ARRDC5: variants seen among roughly 807,000 people sequenced by gnomAD.
ARRDC5 encodes the protein arrestin domain containing 5, also known as arrestin domain-containing protein 5.
In ARRDC5, 12 loss-of-function variants were observed where a neutral mutation model predicts 13.3. The observed-to-expected ratio is 0.90, with a 90% confidence interval of 0.58 to 1.46. The LOEUF (loss-of-function observed/expected upper bound fraction) is 1.46, where lower values mean the gene tolerates loss of function less well. ARRDC5 is among the 40% of genes most tolerant of loss of function. The pLI is 0.00. For synonymous variants in ARRDC5, 181 were observed against 173.4 expected, an observed-to-expected ratio of 1.04 and a Z score of -0.34; for missense variants, 406 against 418.7, an observed-to-expected ratio of 0.97 and a Z score of 0.26.
upstream of ARRDC5, among the ~76,000 whole-genome samples, chr19:4,903,974 T>G (rs79728770): frequency 1.3e-5 from 2 of 151,942 alleles, no homozygotes; most frequent in Non-Finnish European, 2.9e-5. Context: ...CCCTGCATGA[T>G]TGACATTTCT....
chr19:4,891,949 C>T (rs181494549), intron 2 of ARRDC5, among the ~76,000 whole-genome samples: 39 of 73,356 alleles, frequency 5.3e-4, no homozygotes, highest in South Asian at 3.2e-3. Flanking sequence ...AGCAAAACTC[C>T]GTCTCAAAAA....
the ARRDC5 span, among the ~76,000 whole-genome samples, chr19:4,914,494 C>T: frequency 2.6e-5 from 4 of 151,904 alleles, no homozygotes; most frequent in East Asian, 3.9e-4. Context: ...GGGTCTGTCT[C>T]GGAATATGGA....
rs781185003 is a variant in ARRDC5 at position 4,902,851 on chromosome 19, T to C, written c.-26A>G. 7.0e-5 allele frequency: 113 copies of C among 1,613,450 alleles called. No homozygotes were observed. The highest frequency in any genetic ancestry group is 9.2e-5 in the Non-Finnish European group (109 of 1,179,758). ...GGGGGGTTGGGGGGTAGAGAGACAT[T>C]CCTCTCTGTCCCCCATGTCCCTGAA... On this transcript the variant is annotated 5_prime_UTR_variant, in exon 1 of 3. Transcript: ENST00000650722.
chr19:4,916,162 C>T, the ARRDC5 span, among the ~76,000 whole-genome samples: 18 of 152,046 alleles, frequency 1.2e-4, no homozygotes, highest in African/African-American at 2.2e-4. Context: ...GAAAATTAGC[C>T]GGGCATGGTG....
the ARRDC5 span, chr19:4,909,588 C>A: frequency 1.5e-6 from 1 of 650,294 alleles, no homozygotes; most frequent in East Asian, 3.3e-5. Flanking sequence ...GCCACGCACG[C>A]GGTTTCATCG....
intron 1 of ARRDC5, among the ~76,000 whole-genome samples, chr19:4,901,861 G>C (rs529410056): frequency 7.9e-5 from 12 of 152,036 alleles, no homozygotes; most frequent in South Asian, 2.1e-4. Flanking sequence ...TCCTTCTCTG[G>C]AAGGTCTCCC....
rs759955306 is a variant in ARRDC5 at position 4,902,831 on chromosome 19, G to C, written c.-6C>G. ...ATCGACTTCACCACAGACATGGGGG[G>C]TTGGGGGGTAGAGAGACATTCCTCT... On this transcript the variant is annotated 5_prime_UTR_variant, in exon 1 of 3. Coordinates refer to ENST00000650722, the MANE Select transcript of ARRDC5 (RefSeq NM_001080523.3). 1.2e-6 allele frequency: 2 copies of C among 1,613,722 alleles called. No individual in the cohort carries two copies. The highest frequency in any genetic ancestry group is 8.5e-7 in the Non-Finnish European group (1 of 1,179,876).
upstream of ARRDC5, chr19:4,903,114 C>T (rs985295579): frequency 7.7e-6 from 3 of 387,118 alleles, no homozygotes; most frequent in South Asian, 2.6e-5. Flanking sequence ...GCAACCTCCG[C>T]CTCATGGGTT....
chr19:4,896,930 C>CT, intron 1 of ARRDC5, 54 bp from the exon 2 acceptor site: 1 of 1,243,790 alleles, frequency 8.0e-7, no homozygotes, highest in Non-Finnish European at 1.1e-6. Flanking sequence ...TTTTTTCCTT[C>CT]TTCTTCTTTT....
In ARRDC5 at chr19:4,896,359, TTTACACACACACAC is replaced by T. The variant is rs1405987746; in HGVS notation, c.459+298_459+311del. ...ATATATATATATATATTTTTTTTTT[TTTACACACACACAC>T]ACACACACACACACACACACACACA... is the stretch of plus-strand genomic sequence containing the variant. On this transcript the variant is annotated intron_variant, in intron 2 of 2. Transcript: ENST00000650722. Among the ~76,000 whole-genome samples, 92 of 82,960 alleles carry T rather than the reference TTTACACACACACAC, an allele frequency of 1.1e-3. 1 individual carries two copies. Among genetic ancestry groups the T allele is most frequent in the African/African-American group, 3.9e-3 (71 of 18,230 alleles). 54.4% of individuals were successfully genotyped at this position (82,960 alleles called of 152,430 possible). A position where few individuals can be genotyped will look rare whatever the true frequency, so the allele number is the denominator to read the frequency against.
In ARRDC5 at chr19:4,891,167, C is replaced by T; in HGVS notation, c.866G>A (p.Trp289Ter). ...YELVTTVHLP[W>*]SLTSLKAKVP... The stretch of plus-strand genomic sequence containing the variant: ...TTTGGCCTTGAGGCTGGTCAGGGAC[C>T]AGGGCAGGTGCACGGTGGTGACCAG... Residue 289 changes from tryptophan to a stop codon, truncating the protein, a stop_gained, in exon 3 of 3, where the codon TGG (tryptophan) becomes TAG (stop). Transcript: ENST00000650722. LOFTEE classifies it low-confidence loss of function (END_TRUNC). 1.2e-6 allele frequency: 2 copies of T among 1,613,946 alleles called. No individual in the cohort carries two copies. The highest frequency in any genetic ancestry group is 1.7e-6 in the Non-Finnish European group (2 of 1,179,888).
intron 2 of ARRDC5, among the ~76,000 whole-genome samples, chr19:4,893,154 A>G (rs10410783): frequency 0.078 from 10,962 of 140,832 alleles, 525 homozygotes; most frequent in Admixed American, 0.17. Context: ...TTATTAGAAT[A>G]TATATAATAT....
the ARRDC5 span, among the ~76,000 whole-genome samples, chr19:4,913,636 A>T: frequency 0.37 from 56,898 of 151,748 alleles, 11,235 homozygotes; most frequent in African/African-American, 0.5. Context: ...CCCGGACTGA[A>T]CAGGGAGCTG....
chr19:4,899,062 C>T (rs947649911), intron 1 of ARRDC5, among the ~76,000 whole-genome samples: 16 of 151,936 alleles, frequency 1.1e-4, no homozygotes, highest in South Asian at 6.2e-4. Context: ...GTCATCCCAG[C>T]ACTTTGGGAG....
chr19:4,891,526 G>A lies in ARRDC5; in HGVS notation c.507C>T (p.Cys169=). Residue 169 remains cysteine, a synonymous_variant, in exon 3 of 3, where the codon TGC becomes TGT. Transcript: ENST00000650722. ...EAEEKVSYNC[C]RQGTVCLQIQ... is the part of the protein sequence containing the mutation. The stretch of plus-strand genomic sequence containing the variant: ...TTTGCAAACAGACAGTGCCCTGGCG[G>A]CAGCAGTTGTAGGAGACTTTCTCCT... 1 of 1,613,740 alleles carries A rather than the reference G, an allele frequency of 6.2e-7. No homozygotes were observed. The highest frequency in any genetic ancestry group is 8.5e-7 in the Non-Finnish European group (1 of 1,179,794).
At position 4,891,026 on chromosome 19, in the gene ARRDC5, A is replaced by C; in HGVS notation, c.*20T>G. ...CTGGTAGAGACTAATAAAGCTTTTA[A>C]TATTTAAAAGTTCGGGCACTTAATT... On this transcript the variant is annotated 3_prime_UTR_variant, in exon 3 of 3. Coordinates refer to ENST00000650722, the MANE Select transcript of ARRDC5 (RefSeq NM_001080523.3). The C allele has an allele frequency of 6.3e-7, 1 of 1,589,828 alleles. No homozygotes were observed. The highest frequency in any genetic ancestry group is 1.3e-5 in the African/African-American group (1 of 74,324).
chr19:4,906,609 C>T (rs958710970), upstream of ARRDC5, among the ~76,000 whole-genome samples: 33 of 152,016 alleles, frequency 2.2e-4, no homozygotes, highest in African/African-American at 5.1e-4. Flanking sequence ...AAAAATTAGC[C>T]GGACATGGTG....
upstream of ARRDC5, among the ~76,000 whole-genome samples, chr19:4,907,437 T>A (rs1270828327): frequency 1.3e-5 from 2 of 151,638 alleles, no homozygotes; most frequent in African/African-American, 4.8e-5. Flanking sequence ...CCTGGCTAAT[T>A]TTTGTATTTT....
intron 2 of ARRDC5, among the ~76,000 whole-genome samples, chr19:4,896,330 ATATAT>A (rs1293142625): frequency 1.9e-5 from 1 of 51,332 alleles, no homozygotes; most frequent in Non-Finnish European, 3.5e-5. Flanking sequence ...AAAAAAAAAA[ATATAT>A]ATATATATAT....
Sources: allele counts gnomAD v4.1 joint callset (sites outside exome capture counted in the v4.1 genomes callset), GRCh38; gene constraint gnomAD v4.1.1; transcripts MANE v1.5; gene names NCBI Gene and HGNC (gene_info 2026-07-23, HGNC 2026-07-21).